KCND2: variants seen among roughly 807,000 people sequenced by gnomAD.
The protein encoded by KCND2 is potassium voltage-gated channel subfamily D member 2, also known as A-type voltage-gated potassium channel KCND2.
A neutral mutation model predicts 54.4 loss-of-function variants in KCND2; 16 were observed. That is an observed-to-expected ratio of 0.29 (90% CI 0.20 to 0.45). The LOEUF (loss-of-function observed/expected upper bound fraction) is 0.45. Ranked by LOEUF, KCND2 falls within the 20% of genes least tolerant of loss-of-function variation. The pLI is 1.00. For synonymous variants in KCND2, 317 were observed against 310.7 expected (o/e 1.02, Z -0.21); for missense variants, 486 against 824.2 (o/e 0.59, Z 5.02).
chr7:120,505,871 T>G (rs1178095548), intron 1 of KCND2, among the ~76,000 whole-genome samples: 2 of 151,868 alleles, frequency 1.3e-5, no homozygotes, highest in East Asian at 3.9e-4. Context: ...TCTTATAACA[T>G]ACAATCCCCT....
At chr7:120,322,496 T>A (rs1799904977) in intron 1 of KCND2, among the ~76,000 whole-genome samples, 1 of 152,176 alleles carries the variant, frequency 6.6e-6, no homozygotes, top group Non-Finnish European at 1.5e-5. Flanking sequence ...TTTTAAGGAA[T>A]ACAGTTCATA....
chr7:120,503,471 C>G (rs768317714), intron 1 of KCND2, among the ~76,000 whole-genome samples: 1 of 151,790 alleles, frequency 6.6e-6, no homozygotes. Flanking sequence ...TTTTTTCAGT[C>G]ACTTTCTAAG....
chr7:120,685,632 T>A (rs1792192951), intron 1 of KCND2, among the ~76,000 whole-genome samples: 1 of 152,222 alleles, frequency 6.6e-6, no homozygotes, highest in Non-Finnish European at 1.5e-5. Context: ...CGGTGTCAAC[T>A]ACATATTTGC....
chr7:120,667,327 G>T (rs573867940), intron 1 of KCND2, among the ~76,000 whole-genome samples: 10 of 152,028 alleles, frequency 6.6e-5, no homozygotes, highest in African/African-American at 2.4e-4. Flanking sequence ...GTAGATACAT[G>T]TACTTACAAA....
intron 1 of KCND2, among the ~76,000 whole-genome samples, chr7:120,305,077 T>G (rs1799633490): frequency 6.6e-6 from 1 of 152,198 alleles, no homozygotes; most frequent in Non-Finnish European, 1.5e-5. Context: ...GAAAGATTGC[T>G]ATTTCTTTAT....
intron 1 of KCND2, among the ~76,000 whole-genome samples, chr7:120,532,656 G>C (rs1791856348): frequency 1.3e-5 from 2 of 151,756 alleles, no homozygotes; most frequent in South Asian, 4.1e-4. Flanking sequence ...AAAGTTAGTT[G>C]GGAAATGATA....
At chr7:120,556,474 T>C (rs1201574064) in intron 1 of KCND2, among the ~76,000 whole-genome samples, 1 of 152,220 alleles carries the variant, frequency 6.6e-6, no homozygotes, top group East Asian at 1.9e-4. Context: ...AGAGAGGTCT[T>C]ACTGTGTGTA....
At chr7:120,316,275 T>G (rs1799810508) in intron 1 of KCND2, among the ~76,000 whole-genome samples, 1 of 152,208 alleles carries the variant, frequency 6.6e-6, no homozygotes, top group Non-Finnish European at 1.5e-5. Flanking sequence ...CAATTTTGCT[T>G]TGAGAGAAAG....
At chr7:120,374,561 A>G (rs1800809784) in intron 1 of KCND2, among the ~76,000 whole-genome samples, 2 of 151,786 alleles carry the variant, frequency 1.3e-5, no homozygotes, top group Admixed American at 6.6e-5. Flanking sequence ...GAAGTTGCCA[A>G]CCAGGTAAGC....
chr7:120,398,019 A>G (rs1368952985), intron 1 of KCND2, among the ~76,000 whole-genome samples: 17 of 134,108 alleles, frequency 1.3e-4, no homozygotes, highest in South Asian at 4.4e-4. Flanking sequence ...ATATATATAT[A>G]TATATATATA....
chr7:120,683,794 A>C (rs1158589700), intron 1 of KCND2, among the ~76,000 whole-genome samples: 2 of 152,162 alleles, frequency 1.3e-5, no homozygotes, highest in African/African-American at 4.8e-5. Context: ...GATGATCAAA[A>C]ATGCAAACTC....
rs541066639 is a variant in KCND2 at position 120,532,768 on chromosome 7, G to A, written c.1116-200135G>A. 8.6e-5 allele frequency among the ~76,000 whole-genome samples: 13 copies of A among 151,916 alleles called. No individual in the cohort carries two copies. The East Asian group carries it at 2.3e-3, about 27-fold the overall frequency. On this transcript the variant is annotated intron_variant, in intron 1 of 5. Coordinates refer to ENST00000331113, the MANE Select transcript of KCND2 (RefSeq NM_012281.3). ...AAAATACCCAATTAAAAAACTATAT[G>A]CATATTATCTGAGTTATATGTAAAA... is the stretch of plus-strand genomic sequence containing the variant.
At chr7:120,600,826 A>T (rs1190215611) in intron 1 of KCND2, among the ~76,000 whole-genome samples, 2 of 152,086 alleles carry the variant, frequency 1.3e-5, no homozygotes, top group African/African-American at 2.4e-5. Flanking sequence ...TATTATATCA[A>T]TGAATGTTTG....
intron 1 of KCND2, among the ~76,000 whole-genome samples, chr7:120,654,744 A>G (rs1469360662): frequency 2.0e-5 from 3 of 152,176 alleles, no homozygotes; most frequent in Non-Finnish European, 2.9e-5. Context: ...GTGCTACAGT[A>G]AAGTGCACAA....
chr7:120,481,032 C>T (rs1336751879), intron 1 of KCND2, among the ~76,000 whole-genome samples: 1 of 152,118 alleles, frequency 6.6e-6, no homozygotes, highest in Non-Finnish European at 1.5e-5. Context: ...TCTAAATCTT[C>T]TTAGAGATTA....
intron 1 of KCND2, among the ~76,000 whole-genome samples, chr7:120,491,325 T>C (rs1802775816): frequency 1.3e-5 from 2 of 152,266 alleles, no homozygotes; most frequent in African/African-American, 4.8e-5. Context: ...GGGTGCCTAC[T>C]ATGCACAAGG....
intron 1 of KCND2, among the ~76,000 whole-genome samples, chr7:120,511,277 T>C (rs1562859641): frequency 6.6e-6 from 1 of 152,036 alleles, no homozygotes. Context: ...CGAATTCTTA[T>C]TACCATGCTT....
At chr7:120,643,289 A>G (rs929924006) in intron 1 of KCND2, among the ~76,000 whole-genome samples, 2 of 152,188 alleles carry the variant, frequency 1.3e-5, no homozygotes, top group Admixed American at 6.5e-5. Context: ...ATAGCTGTAT[A>G]TGATAGGCTG....
At chr7:120,475,386 A>G (rs942285905) in intron 1 of KCND2, among the ~76,000 whole-genome samples, 9 of 152,230 alleles carry the variant, frequency 5.9e-5, no homozygotes, top group Non-Finnish European at 1.0e-4. Flanking sequence ...GTAAGGATCT[A>G]TATAGCAATC....
Sources: allele counts gnomAD v4.1 joint callset (sites outside exome capture counted in the v4.1 genomes callset), GRCh38; gene constraint gnomAD v4.1.1; transcripts MANE v1.5; gene names NCBI Gene and HGNC (gene_info 2026-07-23, HGNC 2026-07-21).